Variants in ZNF212 observed in about 807,000 individuals in gnomAD.
ZNF212 encodes the protein Zinc finger protein C2H2-150.
In ZNF212, 32 loss-of-function variants were observed where a neutral mutation model predicts 47.3. The observed-to-expected ratio is 0.68, with a 90% CI of 0.51 to 0.91. The LOEUF (loss-of-function observed/expected upper bound fraction) is 0.91, where lower values mean the gene tolerates loss of function less well. Among genes scored for constraint, ZNF212 ranks in the 40% least tolerant of loss-of-function variants. The pLI is 0.00. For synonymous variants in ZNF212, 242 were observed against 253.8 expected (o/e 0.95, Z 0.44); for missense variants, 555 against 622.8 (o/e 0.89, Z 1.16).
intron 1 of ZNF212, among the ~76,000 whole-genome samples, chr7:149,244,535 G>C (rs532648631): frequency 6.6e-6 from 1 of 151,766 alleles, no homozygotes; most frequent in African/African-American, 2.4e-5. Flanking sequence ...GGATGGTCGC[G>C]ATCTCCTGAC....
In ZNF212 at chr7:149,239,683, G is replaced by GCGC. The variant is rs1796556712; in HGVS notation, c.-94_-93insCCG. 2 of 1,287,666 alleles carry GCGC rather than the reference G, an allele frequency of 1.6e-6. No homozygotes were observed. Among genetic ancestry groups the GCGC allele is most frequent in the African/African-American group, 3.1e-5 (2 of 64,588 alleles). The allele number at this position is 1,287,666 out of a possible 1,614,324, so 79.8% of individuals were successfully genotyped here. A position where few individuals can be genotyped will look rare whatever the true frequency, so the allele number is the denominator to read the frequency against. ...ACCTGGCATCAACACGGCGGCGGCG[G>GCGC]CGGCGGCTTCCAACAGGCTCTGGGG... On this transcript the variant is annotated 5_prime_UTR_variant, in exon 1 of 5. Coordinates refer to ENST00000335870, the MANE Select transcript of ZNF212 (RefSeq NM_012256.4).
chr7:149,252,650 G>T, intron 3 of ZNF212, 56 bp from the exon 4 acceptor site: 1 of 1,534,840 alleles, frequency 6.5e-7, no homozygotes, highest in Non-Finnish European at 9.0e-7. Flanking sequence ...CAGCTGATCA[G>T]TGTGCAGTGA....
At position 149,253,743 on chromosome 7, in the gene ZNF212, G is replaced by T. The variant is rs748290432; in HGVS notation, c.816G>T (p.Glu272Asp). ...GTCCTGGGGACTCTACTCTAGAGGA[G>T]CCTGTTGGTAGTAGAGTTCCTAGCA... ...ETGPGDSTLE[E>D]PVGSRVPSSS... is the part of the protein sequence containing the mutation. Residue 272 changes from glutamate (E) to aspartate (D), a missense_variant, in exon 5 of 5, where the codon GAG becomes GAT. Transcript: ENST00000335870. The T allele has an allele frequency of 6.2e-7, 1 of 1,614,092 alleles. No homozygotes were observed. Among genetic ancestry groups the T allele is most frequent in the South Asian group, 1.1e-5 (1 of 91,084 alleles).
In ZNF212 at chr7:149,253,943, C is replaced by G. The variant is rs577612043; in HGVS notation, c.1016C>G (p.Ser339Cys). The G allele has an allele frequency of 3.3e-5, 53 of 1,614,038 alleles. No homozygotes were observed. Among genetic ancestry groups the G allele is most frequent in the Non-Finnish European group, 4.4e-5 (52 of 1,179,996 alleles). The change falls in exon 5 of 5, where the codon TCT (serine) becomes TGT (cysteine). Residue 339 changes from serine to cysteine, a missense_variant. Coordinates refer to ENST00000335870, the MANE Select transcript of ZNF212 (RefSeq NM_012256.4). ...QQLATHLRSHSGWGSCTPEEP... is the reference protein window; with the variant it reads ...QQLATHLRSHCGWGSCTPEEP... ...CTGGCCACACATCTGCGCAGCCACTCTGGGTGGGGGTCTTGTACACCTGAG... is the reference window on the plus strand; with the variant it reads ...CTGGCCACACATCTGCGCAGCCACTGTGGGTGGGGGTCTTGTACACCTGAG...
rs375810422 is a variant in ZNF212 at position 149,250,558 on chromosome 7, T to C, written c.414+10T>C. On this transcript the variant is annotated intron_variant, in intron 2 of 4. Coordinates refer to ENST00000335870, the MANE Select transcript of ZNF212 (RefSeq NM_012256.4). The stretch of plus-strand genomic sequence containing the variant: ...GGGGGAGGCCCCCAAGGTAGTCTCA[T>C]TGAGGATTAAAAGTTAGAAGAGAAG... 2.5e-5 allele frequency: 40 copies of C among 1,607,396 alleles called. No individual in the cohort carries two copies. Among genetic ancestry groups the C allele is most frequent in the Non-Finnish European group, 3.1e-5 (37 of 1,176,712 alleles).
rs1041182935 is a variant in ZNF212 at position 149,247,499 on chromosome 7, G to C, written c.25-2660G>C. 7.2e-5 allele frequency among the ~76,000 whole-genome samples: 11 copies of C among 152,306 alleles called. No homozygotes were observed. The East Asian group carries it at 1.9e-3, about 27-fold the overall frequency. ...AGTAGTAGACTTAGTAGTCGAAGTA[G>C]TAGTCTACTACTAAGTAGCAGGCTT... On this transcript the variant is annotated intron_variant, in intron 1 of 4. Coordinates refer to ENST00000335870, the MANE Select transcript of ZNF212 (RefSeq NM_012256.4).
Position 149,254,246 on chromosome 7 carries a change from C to T in ZNF212, c.1319C>T (p.Ser440Phe), listed in dbSNP as rs748508945. ...GYCGKSFSHP[S>F]DLVRHQRIHT... ...TGTGGCAAGAGCTTCAGTCACCCAT[C>T]TGACTTGGTGCGGCACCAGCGCATC... is the stretch of plus-strand genomic sequence containing the variant. The change falls in exon 5 of 5, where the codon TCT (serine) becomes TTT (phenylalanine). Residue 440 changes from serine to phenylalanine, a missense_variant. Physicochemically the swap from Ser to Phe is radical, Grantham distance 155. Coordinates refer to ENST00000335870, the MANE Select transcript of ZNF212 (RefSeq NM_012256.4). The surrounding 1 kb of genome is among the most constrained non-coding windows in gnomAD (Gnocchi z 4.5). 2 of 1,614,246 alleles carry T rather than the reference C, an allele frequency of 1.2e-6. No homozygotes were observed. The highest frequency in any genetic ancestry group is 3.3e-5 in the Admixed American group (2 of 60,030).
At chr7:149,239,865 G>C (rs1000318756) in intron 1 of ZNF212, 63 bp downstream of exon 1, 3 of 1,261,512 alleles carry the variant, frequency 2.4e-6, no homozygotes, top group Non-Finnish European at 3.0e-6. Flanking sequence ...CCCTGCCGGG[G>C]GCGGGGCTTC....
chr7:149,250,765 A>G lies in ZNF212; in HGVS notation c.499A>G (p.Arg167Gly), dbSNP rs557467226. 6.2e-7 allele frequency: 1 copy of G among 1,614,242 alleles called. No homozygotes were observed. The highest frequency in any genetic ancestry group is 8.5e-7 in the Non-Finnish European group (1 of 1,180,040). Residue 167 changes from arginine (R) to glycine (G), a missense_variant, in exon 3 of 5, where the codon AGA becomes GGA. By Grantham distance (125) the Arg-to-Gly change is moderately radical (BLOSUM62 -2). Transcript: ENST00000335870. Reference protein sequence around the residue: ...NLEDWQKELYRNVMESNYETL... With the variant: ...NLEDWQKELYGNVMESNYETL... ...GGAGGATTGGCAGAAGGAGCTCTAC[A>G]GAAACGTGATGGAGAGTAACTATGA...
At position 149,243,458 on chromosome 7, in the gene ZNF212, A is replaced by C. The variant is rs567477745; in HGVS notation, c.24+3656A>C. 4.2e-5 allele frequency among the ~76,000 whole-genome samples: 6 copies of C among 144,448 alleles called. No individual in the cohort carries two copies. The South Asian group carries it at 1.3e-3, about 32-fold the overall frequency. The allele number at this position is 144,448 out of a possible 152,430, so 94.8% of individuals were successfully genotyped here. Reference sequence around the variant, plus strand: ...CAAAAAAAAAAAAAAAAAAAAAAAAAAGAGAGAGAGAGAGAGATACAACTA... The same window carrying C: ...CAAAAAAAAAAAAAAAAAAAAAAAACAGAGAGAGAGAGAGAGATACAACTA... On this transcript the variant is annotated intron_variant, in intron 1 of 4. Coordinates refer to ENST00000335870, the MANE Select transcript of ZNF212 (RefSeq NM_012256.4).
intron 1 of ZNF212, 86 bp downstream of exon 1, chr7:149,239,888 C>T: frequency 3.2e-6 from 4 of 1,253,024 alleles, no homozygotes; most frequent in Non-Finnish European, 4.0e-6. Context: ...GGTTTGGACG[C>T]CGCCGGGGTC....
intron 1 of ZNF212, among the ~76,000 whole-genome samples, chr7:149,246,436 G>A (rs992476296): frequency 6.7e-6 from 1 of 149,874 alleles, no homozygotes; most frequent in Non-Finnish European, 1.5e-5. Flanking sequence ...AGGCTGGAGT[G>A]CAGTGACGTG....
At chr7:149,250,890 G>C (rs1796745631) in intron 3 of ZNF212, 83 bp downstream of exon 3, 1 of 1,563,538 alleles carries the variant, frequency 6.4e-7, no homozygotes, top group Admixed American at 1.8e-5. Flanking sequence ...GACCACACCT[G>C]TGGCTCCTGT....
chr7:149,243,111 C>T (rs865853128), intron 1 of ZNF212, among the ~76,000 whole-genome samples: 19 of 151,980 alleles, frequency 1.3e-4, no homozygotes, highest in South Asian at 4.2e-4. Context: ...GAGTTACAAC[C>T]GGCTGGGCGT....
rs982885835 is a variant in ZNF212 at position 149,239,666 on chromosome 7, T to G, written c.-113T>G. On this transcript the variant is annotated 5_prime_UTR_variant, in exon 1 of 5. Coordinates refer to ENST00000335870, the MANE Select transcript of ZNF212 (RefSeq NM_012256.4). ...CGCTGCTCCCAGAATGCACCTGGCA[T>G]CAACACGGCGGCGGCGGCGGCGGCT... The G allele has an allele frequency of 8.2e-5, 39 of 476,012 alleles. 1 individual carries two copies. The highest frequency in any genetic ancestry group is 1.0e-4 in the Non-Finnish European group (36 of 353,978). The allele number at this position is 476,012 out of a possible 1,614,324, so 29.5% of individuals were successfully genotyped here. A position where few individuals can be genotyped will look rare whatever the true frequency, so the allele number is the denominator to read the frequency against.
intron 1 of ZNF212, among the ~76,000 whole-genome samples, chr7:149,248,995 A>C (rs1796715704): frequency 6.6e-6 from 1 of 152,130 alleles, no homozygotes; most frequent in Non-Finnish European, 1.5e-5. Context: ...TGGTGGCCTC[A>C]CTGTGGTTAG....
intron 1 of ZNF212, among the ~76,000 whole-genome samples, chr7:149,242,848 TC>T (rs1205786468): frequency 2.0e-5 from 3 of 152,344 alleles, no homozygotes; most frequent in East Asian, 3.9e-4. Flanking sequence ...TCCCATAATT[TC>T]TAGGATACTT....
At chr7:149,248,248 G>C (rs1408110392) in intron 1 of ZNF212, among the ~76,000 whole-genome samples, 1 of 152,166 alleles carries the variant, frequency 6.6e-6, no homozygotes, top group Admixed American at 6.5e-5. Flanking sequence ...CTCCCTGTGT[G>C]TGTGTGTGTC....
rs1796558079 is a variant in ZNF212, at chr7:149,239,747, C to CG, written c.-28dup. On this transcript the variant is annotated 5_prime_UTR_variant, in exon 1 of 5. The change creates a premature stop within an existing upstream ORF in the 5' untranslated region. Transcript: ENST00000335870. The stretch of plus-strand genomic sequence containing the variant: ...GGAACGCAGCACGGGGGCTCCGAGG[C>CG]GGGGTCTGGGTGTTGAGGGGCGACT... The CG allele has an allele frequency of 7.8e-7, 1 of 1,278,264 alleles. No individual in the cohort carries two copies. The highest frequency in any genetic ancestry group is 1.5e-5 in the African/African-American group (1 of 65,480). The allele number at this position is 1,278,264 out of a possible 1,614,324, so 79.2% of individuals were successfully genotyped here.
Sources: allele counts gnomAD v4.1 joint callset (sites outside exome capture counted in the v4.1 genomes callset), GRCh38; gene constraint gnomAD v4.1.1; non-coding constraint Gnocchi (gnomAD v3.1); transcripts MANE v1.5; gene names NCBI Gene and HGNC (gene_info 2026-07-23, HGNC 2026-07-21).